The following ATP11C variants were observed in gnomAD, a reference collection of about 807,000 sequenced individuals.
ATP11C encodes phospholipid-transporting ATPase IG.
ATP11C carries 36 observed loss-of-function variants against 97.4 expected under a neutral mutation model. That is an observed-to-expected ratio of 0.37 (90% CI 0.28 to 0.49). The LOEUF is 0.49. ATP11C is among the 20% of genes least tolerant of loss of function. ATP11C has a pLI of 0.98. For synonymous variants in ATP11C, 275 were observed against 290.9 expected (o/e 0.95, Z 0.56); for missense variants, 730 against 824.6 (o/e 0.89, Z 1.40).
intron 26 of ATP11C, among the ~76,000 whole-genome samples, chrX:139,742,753 T>G (rs1327562574): frequency 9.2e-6 from 1 of 109,257 alleles, no homozygotes; most frequent in Non-Finnish European, 1.9e-5. Context: ...CAAAATTACC[T>G]CCCTTTTGTT....
At chrX:139,772,106 G>C (rs1777540979) in intron 19 of ATP11C, among the ~76,000 whole-genome samples, 1 of 112,133 alleles carries the variant, frequency 8.9e-6, no homozygotes, top group African/African-American at 3.2e-5. Flanking sequence ...GTGTAGCCTA[G>C]GGATTTGGTG....
chrX:139,860,503 C>T (rs1856212149), intron 1 of ATP11C, among the ~76,000 whole-genome samples: 2 of 111,926 alleles, frequency 1.8e-5, no homozygotes, highest in African/African-American at 6.5e-5. Context: ...ATTTGAGGTT[C>T]GAAATGTGTT....
At chrX:139,841,173 A>G (rs1054135813) in intron 1 of ATP11C, among the ~76,000 whole-genome samples, 10 of 112,500 alleles carry the variant, frequency 8.9e-5, no homozygotes, top group Non-Finnish European at 1.9e-4. Context: ...TTGACATAAC[A>G]ATTAGTAATG....
chrX:139,921,220 C>T (rs1185204702), intron 1 of ATP11C, among the ~76,000 whole-genome samples: 3 of 111,193 alleles, frequency 2.7e-5, no homozygotes, highest in Non-Finnish European at 5.7e-5. Context: ...GTGTCCCCAC[C>T]CAAATCTCAT....
At position 139,745,838 on chromosome X, in the gene ATP11C, T is replaced by A. The variant is rs745623704; in HGVS notation, c.2848A>T (p.Met950Leu). 4.2e-6 allele frequency: 5 copies of A among 1,200,574 alleles called. No homozygotes were observed. In the Admixed American group the frequency reaches 1.1e-4, roughly 27 times the overall value. ...RLYMKISGNA[M>L]LQLGPFLYWT... is the part of the protein sequence containing the mutation. The stretch of plus-strand genomic sequence containing the variant: ...TATAAGAAGGGGCCCAACTGTAGCA[T>A]GGCATTGCCAGAAATTTTCCTATTG... Residue 950 changes from methionine (M) to leucine (L), a missense_variant, in exon 25 of 30, where the codon ATG becomes TTG. Coordinates refer to ENST00000682941, the MANE Select transcript of ATP11C (RefSeq NM_001353812.2).
intron 1 of ATP11C, among the ~76,000 whole-genome samples, chrX:139,839,412 T>A: frequency 8.9e-6 from 1 of 112,333 alleles, no homozygotes; most frequent in Admixed American, 9.4e-5. Flanking sequence ...GTAACTCCCT[T>A]GCCTAATAGT....
intron 1 of ATP11C, among the ~76,000 whole-genome samples, chrX:139,842,156 C>CA (rs2083843009): frequency 8.9e-6 from 1 of 112,615 alleles, no homozygotes; most frequent in African/African-American, 3.2e-5. Context: ...CTCAGCCTCC[C>CA]AAGTAGCTGG....
chrX:139,781,316 T>C (rs969951558), intron 18 of ATP11C, among the ~76,000 whole-genome samples: 2 of 112,407 alleles, frequency 1.8e-5, no homozygotes, highest in African/African-American at 6.5e-5. Context: ...TAGAAAATTC[T>C]AAAAATATTA....
intron 22 of ATP11C, among the ~76,000 whole-genome samples, chrX:139,760,650 T>C (rs1034991502): frequency 7.2e-5 from 8 of 111,870 alleles, no homozygotes; most frequent in Non-Finnish European, 1.1e-4. Context: ...TTCTATTCCC[T>C]GGTAGACAAT....
chrX:139,817,283 C>T (rs1603385272), intron 3 of ATP11C, among the ~76,000 whole-genome samples: 1 of 112,508 alleles, frequency 8.9e-6, no homozygotes, highest in Admixed American at 9.4e-5. Context: ...GGAGACAAGT[C>T]CCTGCCTTCA....
At chrX:139,846,259 A>G (rs753199443) in intron 1 of ATP11C, among the ~76,000 whole-genome samples, 1 of 112,035 alleles carries the variant, frequency 8.9e-6, no homozygotes, top group Non-Finnish European at 1.9e-5. Flanking sequence ...TTTCCTTCCT[A>G]AATTATTTTT....
At chrX:139,780,951 T>A (rs1208273826) in intron 18 of ATP11C, among the ~76,000 whole-genome samples, 1 of 110,114 alleles carries the variant, frequency 9.1e-6, no homozygotes, top group East Asian at 2.9e-4. Flanking sequence ...GGAGTGAGGG[T>A]TGAAAAACCA....
At chrX:139,748,548 T>G (rs1393011687) in intron 24 of ATP11C, among the ~76,000 whole-genome samples, 1 of 111,806 alleles carries the variant, frequency 8.9e-6, no homozygotes, top group East Asian at 2.8e-4. Flanking sequence ...CATCTGGTTG[T>G]ACCCTGTGTC....
chrX:139,935,609 T>C (rs1259448555), upstream of ATP11C, among the ~76,000 whole-genome samples: 1 of 111,655 alleles, frequency 9.0e-6, no homozygotes, highest in Non-Finnish European at 1.9e-5. Context: ...TGTTGATTTT[T>C]ATTTGTTATA....
intron 1 of ATP11C, among the ~76,000 whole-genome samples, chrX:139,842,597 A>G (rs1008805589): frequency 7.1e-5 from 8 of 112,566 alleles, no homozygotes; most frequent in African/African-American, 2.3e-4. Context: ...GTATACAAGT[A>G]TATTTGCAGC....
chrX:139,849,036 C>T (rs1366883155), intron 1 of ATP11C, among the ~76,000 whole-genome samples: 1 of 111,853 alleles, frequency 8.9e-6, no homozygotes, highest in Non-Finnish European at 1.9e-5. Flanking sequence ...AGCTTCATGA[C>T]TCTCAAGTCC....
chrX:139,884,618 C>T (rs768240748), intron 1 of ATP11C, among the ~76,000 whole-genome samples: 38 of 112,127 alleles, frequency 3.4e-4, no homozygotes, highest in Middle Eastern at 4.6e-3. Flanking sequence ...TCACTGCACC[C>T]AGCTCAGCAG....
intron 12 of ATP11C, among the ~76,000 whole-genome samples, chrX:139,790,831 A>G (rs1242144768): frequency 1.8e-5 from 2 of 111,998 alleles, no homozygotes; most frequent in African/African-American, 6.5e-5. Context: ...AAAGTATAAC[A>G]CAAGTATATT....
intron 6 of ATP11C, 65 bp downstream of exon 6, chrX:139,804,406 G>A (rs1407957926): frequency 1.1e-5 from 10 of 871,735 alleles, no homozygotes; most frequent in Non-Finnish European, 1.6e-5. Flanking sequence ...GAGGGTGATG[G>A]GAGGCAGTAT....
Sources: gnomAD v4.1 joint callset for allele counts (sites outside exome capture counted in the v4.1 genomes callset) on GRCh38, gnomAD v4.1.1 for gene constraint, MANE v1.5 for transcripts, NCBI Gene and HGNC (gene_info 2026-07-23, HGNC 2026-07-21) for gene names.